The following KIAA1549 variants were observed in gnomAD, a reference collection of about 807,000 sequenced individuals.
KIAA1549 encodes KIAA1549, also known as UPF0606 protein KIAA1549.
A neutral mutation model predicts 156.4 loss-of-function variants in KIAA1549; 70 were observed. That is an observed-to-expected ratio of 0.45 (90% CI 0.37 to 0.55). The LOEUF (loss-of-function observed/expected upper bound fraction) is 0.55. Among genes scored for constraint, KIAA1549 ranks in the 20% least tolerant of loss-of-function variants. The probability of loss-of-function intolerance (pLI) is 0.00; values close to 1 mark genes in which losing one functional copy is unlikely to be tolerated. For missense variants in KIAA1549, 2,428 were observed against 2,540.9 expected (o/e 0.96, Z 0.96); for synonymous variants, 1,103 against 1,066.4 (o/e 1.03, Z -0.67).
chr7:138,907,754 G>T (rs1812047920), intron 5 of KIAA1549, among the ~76,000 whole-genome samples: 1 of 152,158 alleles, frequency 6.6e-6, no homozygotes, highest in South Asian at 2.1e-4. Context: ...TGCCTCCTGA[G>T]GAAAACAAAC....
chr7:138,934,601 TC>T (rs1366286090), intron 1 of KIAA1549, among the ~76,000 whole-genome samples: 2 of 152,098 alleles, frequency 1.3e-5, no homozygotes, highest in Non-Finnish European at 2.9e-5. Flanking sequence ...CTTGCAGGCC[TC>T]GGGCCGCATC....
rs183889408 is a variant in KIAA1549, at chr7:138,967,671, T to A, written c.187+13412A>T. On this transcript the variant is annotated intron_variant, in intron 1 of 19. Transcript: ENST00000422774. ...TTCCCCAGCCCAGTCTCCCAGCCCA[T>A]CCTCCATTAAACAGCTGTCCAGGAG... is the stretch of plus-strand genomic sequence containing the variant. Among the ~76,000 whole-genome samples the A allele has an allele frequency of 3.0e-3, 449 of 151,716 alleles. 5 individuals are homozygous for A. The highest frequency in any genetic ancestry group is 4.1e-3 in the Non-Finnish European group (277 of 67,934).
chr7:138,835,707 T>C lies in KIAA1549; in HGVS notation c.*2199A>G, dbSNP rs759584971. 18 of 217,582 alleles carry C rather than the reference T, an allele frequency of 8.3e-5. No homozygotes were observed. The highest frequency in any genetic ancestry group is 1.3e-4 in the Non-Finnish European group (14 of 108,344). The allele number at this position is 217,582 out of a possible 1,614,324, so 13.5% of individuals were successfully genotyped here. A position where few individuals can be genotyped will look rare whatever the true frequency, so the allele number is the denominator to read the frequency against. On this transcript the variant is annotated 3_prime_UTR_variant, in exon 20 of 20. Transcript: ENST00000422774. ...GGAAACCTGGTATTTTTGAGTGACATACAAAGATAATCGTTCAATTTGGGA... is the reference window on the plus strand; with the variant it reads ...GGAAACCTGGTATTTTTGAGTGACACACAAAGATAATCGTTCAATTTGGGA...
intron 9 of KIAA1549, among the ~76,000 whole-genome samples, chr7:138,898,443 G>A (rs1439866220): frequency 1.3e-5 from 2 of 152,104 alleles, no homozygotes; most frequent in African/African-American, 2.4e-5. Flanking sequence ...ACACTGTGGA[G>A]TGACGTGAGG....
At chr7:138,855,052 T>C (rs1810346305) in intron 16 of KIAA1549, among the ~76,000 whole-genome samples, 1 of 152,112 alleles carries the variant, frequency 6.6e-6, no homozygotes, top group Non-Finnish European at 1.5e-5. Context: ...TGCTCAGCAT[T>C]ACATTGCCAC....
chr7:138,844,607 G>A (rs1217872399), intron 17 of KIAA1549, 133 bp from the exon 18 acceptor site: 2 of 818,368 alleles, frequency 2.4e-6, no homozygotes, highest in African/African-American at 1.8e-5. Context: ...CTCCTGGAAG[G>A]GGAAGAGATG....
At position 138,899,064 on chromosome 7, in the gene KIAA1549, T is replaced by C. The variant is rs1314019832; in HGVS notation, c.3738A>G (p.Gln1246=). 1 of 1,613,842 alleles carries C rather than the reference T, an allele frequency of 6.2e-7. No homozygotes were observed. Among genetic ancestry groups the C allele is most frequent in the Non-Finnish European group, 8.5e-7 (1 of 1,179,752 alleles). The part of the protein sequence containing the change: ...PVQLIYFVED[Q]DGERLSAVKS... ...TGACTGCACTGAGTCTTTCTCCATC[T>C]TGATCCTCCACAAAGTAGATGAGCT... The change falls in exon 9 of 20, where the codon CAA becomes CAG. Residue 1246 remains glutamine (Q), a synonymous_variant. Transcript: ENST00000422774.
At chr7:138,867,325 C>A (rs532105852) in intron 15 of KIAA1549, among the ~76,000 whole-genome samples, 2 of 151,960 alleles carry the variant, frequency 1.3e-5, no homozygotes, top group South Asian at 4.2e-4. Context: ...GAGGCCAAGG[C>A]GGGAGGATCA....
intron 1 of KIAA1549, among the ~76,000 whole-genome samples, chr7:138,965,174 G>A (rs533206682): frequency 6.6e-6 from 1 of 152,078 alleles, no homozygotes; most frequent in East Asian, 1.9e-4. Context: ...CAGGAGATTT[G>A]AGCAGAGACC....
intron 1 of KIAA1549, among the ~76,000 whole-genome samples, chr7:138,975,681 C>T (rs1027452175): frequency 1.3e-5 from 2 of 152,154 alleles, no homozygotes; most frequent in Admixed American, 1.3e-4. Context: ...TGCTGCCTAA[C>T]AACAAGAAAA....
chr7:138,849,399 CT>C (rs891888483), intron 17 of KIAA1549, among the ~76,000 whole-genome samples: 2 of 152,086 alleles, frequency 1.3e-5, no homozygotes, highest in East Asian at 1.9e-4. Flanking sequence ...AACTTCCCCC[CT>C]AAACACTGCT....
intron 16 of KIAA1549, among the ~76,000 whole-genome samples, 187 bp from the exon 17 acceptor site, chr7:138,852,456 C>A (rs899674239): frequency 1.3e-5 from 2 of 152,226 alleles, no homozygotes; most frequent in African/African-American, 4.8e-5. Context: ...AGGACCTGCA[C>A]TACCAGACTT....
intron 16 of KIAA1549, among the ~76,000 whole-genome samples, chr7:138,860,915 C>A (rs902289046): frequency 6.6e-6 from 1 of 152,236 alleles, no homozygotes; most frequent in Non-Finnish European, 1.5e-5. Flanking sequence ...GCCTTGGCCT[C>A]CTAAATTGCG....
At chr7:138,852,462 G>A (rs1810263072) in intron 16 of KIAA1549, among the ~76,000 whole-genome samples, 193 bp from the exon 17 acceptor site, 1 of 152,194 alleles carries the variant, frequency 6.6e-6, no homozygotes, top group Non-Finnish European at 1.5e-5. Context: ...TGCACTACCA[G>A]ACTTTAGAAA....
At chr7:138,875,922 A>G (rs1811071743) in intron 12 of KIAA1549, among the ~76,000 whole-genome samples, 1 of 151,430 alleles carries the variant, frequency 6.6e-6, no homozygotes, top group South Asian at 2.1e-4. Flanking sequence ...CAGCCTCTTC[A>G]GTAGCTGGGA....
chr7:138,874,091 T>A (rs1352954195), intron 12 of KIAA1549, among the ~76,000 whole-genome samples: 1 of 148,130 alleles, frequency 6.8e-6, no homozygotes, highest in Non-Finnish European at 1.5e-5. Context: ...CATATATTAA[T>A]AAATATAATT....
chr7:138,838,287 G>A (rs1316473428), intron 19 of KIAA1549, 127 bp from the exon 20 acceptor site: 1 of 949,198 alleles, frequency 1.1e-6, no homozygotes, highest in Admixed American at 3.1e-5. Context: ...CTCTAACAGG[G>A]CCCTGCTGCC....
chr7:138,946,048 C>T (rs1813325978), intron 1 of KIAA1549, among the ~76,000 whole-genome samples: 1 of 152,110 alleles, frequency 6.6e-6, no homozygotes, highest in Non-Finnish European at 1.5e-5. Flanking sequence ...CCCTCTTTCC[C>T]CACCCCTAAG....
intron 1 of KIAA1549, among the ~76,000 whole-genome samples, chr7:138,964,509 A>C (rs1015589844): frequency 1.3e-5 from 2 of 152,210 alleles, no homozygotes; most frequent in African/African-American, 4.8e-5. Context: ...CCGTCTCCTC[A>C]CACAATGTTT....
Sources: allele counts gnomAD v4.1 joint callset (sites outside exome capture counted in the v4.1 genomes callset), GRCh38; gene constraint gnomAD v4.1.1; transcripts MANE v1.5; gene names NCBI Gene and HGNC (gene_info 2026-07-23, HGNC 2026-07-21).